The following TSHZ3 variants were observed in gnomAD, a reference collection of about 807,000 sequenced individuals.
TSHZ3 encodes the protein teashirt homolog 3.
A neutral mutation model predicts 64.5 loss-of-function variants in TSHZ3; 10 were observed. The ratio of observed to expected loss-of-function variants is 0.16; its 90% CI spans 0.10 to 0.26. The LOEUF (loss-of-function observed/expected upper bound fraction) is 0.26, where lower values mean the gene tolerates loss of function less well. Among genes scored for constraint, TSHZ3 ranks in the 10% least tolerant of loss-of-function variants. TSHZ3 has a pLI of 1.00. For missense variants in TSHZ3, 1,242 were observed against 1,421.7 expected (o/e 0.87, Z 2.03); for synonymous variants, 608 against 593.1 (o/e 1.03, Z -0.36).
intron 1 of TSHZ3, among the ~76,000 whole-genome samples, chr19:31,264,823 C>T (rs941785444): frequency 9.9e-5 from 15 of 151,728 alleles, no homozygotes; most frequent in African/African-American, 3.6e-4. Flanking sequence ...TTGCGCAGTT[C>T]AGGTGCCAGA....
At chr19:31,234,182 T>G (rs979126545) in intron 3 of TSHZ3, among the ~76,000 whole-genome samples, 3 of 152,196 alleles carry the variant, frequency 2.0e-5, no homozygotes, top group African/African-American at 7.2e-5. Flanking sequence ...TTCTAAATAC[T>G]TGTTGTTCAT....
intron 5 of TSHZ3, among the ~76,000 whole-genome samples, chr19:31,184,451 G>A (rs780622910): frequency 5.9e-5 from 9 of 152,134 alleles, no homozygotes; most frequent in East Asian, 1.9e-4. Flanking sequence ...TACTGAGGCC[G>A]TAACAAAGCT....
Position 31,297,253 on chromosome 19 carries a change from G to A in TSHZ3, c.41-17501C>T, listed in dbSNP as rs984498625. Among the ~76,000 whole-genome samples the A allele has an allele frequency of 3.9e-5, 6 of 152,270 alleles. No homozygotes were observed. The East Asian group carries it at 7.7e-4, about 20-fold the overall frequency. ...GAGGATCCCTCCTGCGGATCACGTC[G>A]CCAGCATTCCCAGGTCCCTGTGGTG... On this transcript the variant is annotated intron_variant, in intron 1 of 1. Coordinates refer to ENST00000240587, the MANE Select transcript of TSHZ3 (RefSeq NM_020856.4).
chr19:31,345,456 T>G (rs1223710606), intron 1 of TSHZ3, among the ~76,000 whole-genome samples: 2 of 152,202 alleles, frequency 1.3e-5, no homozygotes. Flanking sequence ...GGCATGCCCA[T>G]GTCTACTGGC....
chr19:31,296,131 T>C (rs75025530), intron 1 of TSHZ3, among the ~76,000 whole-genome samples: 2,222 of 151,250 alleles, frequency 0.015, 108 homozygotes, highest in Admixed American at 0.099. Flanking sequence ...CTGAGCAAGT[T>C]TGTGTGTGTG....
At chr19:31,313,777 AG>A (rs1268047564) in intron 1 of TSHZ3, among the ~76,000 whole-genome samples, 14 of 152,198 alleles carry the variant, frequency 9.2e-5, no homozygotes, top group African/African-American at 3.4e-4. Flanking sequence ...TGCCCTAGAA[AG>A]GCCCCATCGG....
intron 1 of TSHZ3, among the ~76,000 whole-genome samples, chr19:31,289,324 G>T (rs528021701): frequency 6.6e-6 from 1 of 152,204 alleles, no homozygotes; most frequent in South Asian, 2.1e-4. Context: ...CTGCTGGGGT[G>T]AGAGCTCCCA....
In TSHZ3 at chr19:31,347,982, C is replaced by T. The variant is rs531183270; in HGVS notation, c.40+1198G>A. On this transcript the variant is annotated intron_variant, in intron 1 of 1. Transcript: ENST00000240587. Reference sequence around the variant, plus strand: ...CCAATGCCCTGACCCTACTCTCTGCCCTTCCCTCTTAACATCAAAAGAGAA... The same window carrying T: ...CCAATGCCCTGACCCTACTCTCTGCTCTTCCCTCTTAACATCAAAAGAGAA... Among the ~76,000 whole-genome samples the T allele has an allele frequency of 2.0e-5, 3 of 152,260 alleles. No homozygotes were observed. The East Asian group carries it at 5.8e-4, about 29-fold the overall frequency.
intron 1 of TSHZ3, among the ~76,000 whole-genome samples, chr19:31,340,027 G>T (rs1007574568): frequency 6.6e-6 from 1 of 151,758 alleles, no homozygotes; most frequent in Non-Finnish European, 1.5e-5. Context: ...TGAAGTAATC[G>T]TCCCGCAGCT....
intron 1 of TSHZ3, among the ~76,000 whole-genome samples, chr19:31,305,116 T>C (rs1976817894): frequency 6.6e-6 from 1 of 152,176 alleles, no homozygotes; most frequent in African/African-American, 2.4e-5. Flanking sequence ...TTGTGTTTTA[T>C]AAGCTTGTAA....
rs8106024 is a variant in TSHZ3 at position 31,193,214 on chromosome 19, C to T, written n.809+11742G>A. Among the ~76,000 whole-genome samples, 743 of 152,216 alleles carry T rather than the reference C, an allele frequency of 4.9e-3. 7 individuals carry two copies. Among genetic ancestry groups the T allele is most frequent in the African/African-American group, 0.017 (691 of 41,522 alleles). The stretch of plus-strand genomic sequence containing the variant: ...GTACCAGACTTTCCCATACATATGA[C>T]GCGACATATCTGGCCTCTGTGGCTC... On this transcript the variant is annotated intron_variant and non_coding_transcript_variant, in intron 5 of 6. Transcript: ENST00000651361.
intron 1 of TSHZ3, chr19:31,308,419 G>A (rs1438380164): frequency 5.2e-6 from 2 of 381,858 alleles, no homozygotes; most frequent in Non-Finnish European, 9.2e-6. Flanking sequence ...ACATTCCCCC[G>A]ACAGGCAAAA....
intron 3 of TSHZ3, among the ~76,000 whole-genome samples, chr19:31,229,197 C>G (rs1269407369): frequency 6.6e-6 from 1 of 152,078 alleles, no homozygotes; most frequent in Non-Finnish European, 1.5e-5. Context: ...TCTTTGAAAC[C>G]TGACAAAATG....
At chr19:31,197,775 C>T (rs920937870) in intron 5 of TSHZ3, among the ~76,000 whole-genome samples, 3 of 151,854 alleles carry the variant, frequency 2.0e-5, no homozygotes, top group Admixed American at 6.6e-5. Flanking sequence ...TTTTAATAGG[C>T]TTATATTTAT....
intron 1 of TSHZ3, among the ~76,000 whole-genome samples, chr19:31,344,465 G>A (rs1287515499): frequency 2.0e-5 from 3 of 152,176 alleles, no homozygotes; most frequent in Non-Finnish European, 4.4e-5. Context: ...GATGAAAATG[G>A]GGCAGGAGGA....
rs987213069 is a variant in TSHZ3 at position 31,226,659 on chromosome 19, C to A, written n.686+1346G>T. Among the ~76,000 whole-genome samples, 3 of 152,260 alleles carry A rather than the reference C, an allele frequency of 2.0e-5. No individual in the cohort carries two copies. The South Asian group carries it at 6.2e-4, about 32-fold the overall frequency. On this transcript the variant is annotated intron_variant and non_coding_transcript_variant, in intron 4 of 6. Coordinates refer to the TSHZ3 transcript ENST00000651361. Reference sequence around the variant, plus strand: ...AATCCTATATTCCATTCTTGCCTTCCATCTGAGCACCAACCACAAGTCAAC... The same window carrying A: ...AATCCTATATTCCATTCTTGCCTTCAATCTGAGCACCAACCACAAGTCAAC...
chr19:31,196,828 T>G (rs1975000418), intron 5 of TSHZ3, among the ~76,000 whole-genome samples: 1 of 151,912 alleles, frequency 6.6e-6, no homozygotes, highest in African/African-American at 2.4e-5. Flanking sequence ...TGGGTAGAAC[T>G]GAAAAGAAGA....
intron 1 of TSHZ3, among the ~76,000 whole-genome samples, chr19:31,292,956 T>C (rs1976596104): frequency 6.9e-6 from 1 of 145,214 alleles, no homozygotes; most frequent in Non-Finnish European, 1.5e-5. Flanking sequence ...AACCCATCCA[T>C]CCAACCAAAA....
chr19:31,259,396 G>A (rs1341118070), intron 1 of TSHZ3, among the ~76,000 whole-genome samples: 2 of 152,134 alleles, frequency 1.3e-5, no homozygotes, highest in East Asian at 3.9e-4. Flanking sequence ...CTGCTGAAAG[G>A]TTACTCTCAA....
Sources: allele counts gnomAD v4.1 joint callset (sites outside exome capture counted in the v4.1 genomes callset), GRCh38; gene constraint gnomAD v4.1.1; transcripts MANE v1.5; gene names NCBI Gene and HGNC (gene_info 2026-07-23, HGNC 2026-07-21).